Variants in NUDT6 observed in about 807,000 individuals in gnomAD.
NUDT6 encodes the protein nudix hydrolase 6.
A neutral mutation model predicts 36.8 loss-of-function variants in NUDT6; 24 were observed. That is an observed-to-expected ratio of 0.65 (90% confidence interval 0.47 to 0.92). The LOEUF is 0.92. NUDT6 is among the 40% of genes least tolerant of loss of function. The pLI, the probability that NUDT6 is intolerant of heterozygous loss-of-function variation, is 0.00. For synonymous variants in NUDT6, 163 were observed against 157.0 expected (o/e 1.04, Z -0.29); for missense variants, 388 against 392.8 (o/e 0.99, Z 0.10).
Position 122,907,511 on chromosome 4 carries a change from C to T in NUDT6, c.498+5057G>A, listed in dbSNP as rs183410112. Among the ~76,000 whole-genome samples the T allele has an allele frequency of 2.0e-3, 284 of 145,266 alleles. 4 individuals carry two copies. Among genetic ancestry groups the T allele is most frequent in the Admixed American group, 0.016 (229 of 13,930 alleles). On this transcript the variant is annotated intron_variant, in intron 3 of 4. Transcript: ENST00000304430. ...AGTCACCCAGGCTGGAGTGCAGTGG[C>T]GCGATCTTGGCTCACTGCAACCTCC...
intron 3 of NUDT6, 41 bp from the exon 4 acceptor site, chr4:122,897,719 A>T: frequency 2.4e-6 from 3 of 1,234,176 alleles, no homozygotes; most frequent in East Asian, 2.3e-5. Context: ...CATAACTTTC[A>T]CTAACACACA....
intron 3 of NUDT6, among the ~76,000 whole-genome samples, chr4:122,905,608 G>T (rs973071765): frequency 2.0e-5 from 3 of 152,156 alleles, no homozygotes; most frequent in African/African-American, 4.8e-5. Context: ...AATTTTAGGA[G>T]TGCTATGCCC....
intron 3 of NUDT6, among the ~76,000 whole-genome samples, chr4:122,904,736 G>A (rs1727585054): frequency 6.6e-6 from 1 of 152,166 alleles, no homozygotes; most frequent in Admixed American, 6.5e-5. Flanking sequence ...TTACAGGCGT[G>A]AGCCACCGTG....
intron 3 of NUDT6, among the ~76,000 whole-genome samples, chr4:122,912,309 C>T (rs1274414982): frequency 1.3e-5 from 2 of 151,992 alleles, no homozygotes; most frequent in African/African-American, 4.8e-5. Context: ...ACTTGTCTTC[C>T]CAATTAAATA....
At chr4:122,912,677 A>G in intron 2 of NUDT6, 54 bp from the exon 3 acceptor site, 2 of 1,115,578 alleles carry the variant, frequency 1.8e-6, no homozygotes, top group Non-Finnish European at 2.7e-6. Context: ...ATTCACCTTA[A>G]TCTCCTCCCA....
At chr4:122,905,063 T>C (rs1358449391) in intron 3 of NUDT6, among the ~76,000 whole-genome samples, 2 of 152,220 alleles carry the variant, frequency 1.3e-5, no homozygotes, top group African/African-American at 4.8e-5. Context: ...TTGCCACTGC[T>C]GGCTGAAGTG....
chr4:122,918,562 C>T (rs192666112), intron 1 of NUDT6: 7 of 152,250 alleles, frequency 4.6e-5, no homozygotes, highest in Non-Finnish European at 4.4e-5. Flanking sequence ...TTTATAATAA[C>T]GCTATAAAGC....
chr4:122,896,482 A>G lies in NUDT6; in HGVS notation c.553+1142T>C, dbSNP rs900770132. On this transcript the variant is annotated intron_variant, in intron 4 of 4. Coordinates refer to ENST00000304430, the MANE Select transcript of NUDT6 (RefSeq NM_007083.5). ...CAAAACATAAGCTTAATTAGCTCAC[A>G]TGCTCTGCTCTCACGTGGCACCAGT... 2.0e-5 allele frequency: 3 copies of G among 152,202 alleles called. 1 individual carries two copies. The highest frequency in any genetic ancestry group is 4.1e-4 in the South Asian group (2 of 4,826). The allele number at this position is 152,202 out of a possible 1,614,324, so 9.4% of individuals were successfully genotyped here. A position where few individuals can be genotyped will look rare whatever the true frequency, so the allele number is the denominator to read the frequency against.
chr4:122,917,971 C>T (rs1430808940), intron 1 of NUDT6: 6 of 419,644 alleles, frequency 1.4e-5, no homozygotes, highest in Non-Finnish European at 2.6e-5. Flanking sequence ...CAATGCTTGG[C>T]ACGTAACAGA....
Position 122,892,792 on chromosome 4 carries a change from G to A in NUDT6, c.*36C>T, listed in dbSNP as rs200167049. On this transcript the variant is annotated 3_prime_UTR_variant, in exon 5 of 5. Coordinates refer to ENST00000304430, the MANE Select transcript of NUDT6 (RefSeq NM_007083.5). ...ATGTCCACTATTTCTTATGTCATTC[G>A]TTAGTCTACATGTTTCTAAACATAT... 103 of 1,483,610 alleles carry A rather than the reference G, an allele frequency of 6.9e-5. No individual in the cohort carries two copies. In the East Asian group the frequency reaches 1.8e-3, roughly 26 times the overall value. 91.9% of individuals were successfully genotyped at this position (1,483,610 alleles called of 1,614,324 possible).
intron 1 of NUDT6, chr4:122,919,876 G>A (rs1290549554): frequency 6.6e-6 from 1 of 152,122 alleles, no homozygotes; most frequent in Non-Finnish European, 1.5e-5. Flanking sequence ...AATCCTCCAG[G>A]GTAACCCTAC....
At chr4:122,910,476 G>T (rs983429525) in intron 3 of NUDT6, among the ~76,000 whole-genome samples, 8 of 152,080 alleles carry the variant, frequency 5.3e-5, no homozygotes, top group Non-Finnish European at 1.2e-4. Flanking sequence ...TTCTTATTTG[G>T]TAGATTAACC....
rs372728120 is a variant in NUDT6 at position 122,893,150 on chromosome 4, T to G, written c.629A>C (p.Gln210Pro). Residue 210 changes from glutamine (Q) to proline (P), a missense_variant, in exon 5 of 5, where the codon CAA (glutamine) becomes CCA (proline). Gln to Pro is a moderately conservative substitution (Grantham distance 76). Coordinates refer to ENST00000304430, the MANE Select transcript of NUDT6 (RefSeq NM_007083.5). ...SEFRSVLSIR[Q>P]QHTNPGAFGK... ...AAAAGCTCCAGGATTTGTGTGCTGT[T>G]GCCGAATACTCAGGACGGACCTGAA... The G allele has an allele frequency of 3.1e-6, 5 of 1,614,102 alleles. No individual in the cohort carries two copies. In the African/African-American group the frequency reaches 6.7e-5, roughly 22 times the overall value.
chr4:122,895,834 T>C (rs139580294), intron 4 of NUDT6: 2 of 152,374 alleles, frequency 1.3e-5, no homozygotes, highest in African/African-American at 4.8e-5. Flanking sequence ...TATAAATGTT[T>C]AACTGTTTGT....
chr4:122,915,674 C>T lies in NUDT6; in HGVS notation c.442+1827G>A, dbSNP rs560558415. Among the ~76,000 whole-genome samples, 3 of 152,236 alleles carry T rather than the reference C, an allele frequency of 2.0e-5. No homozygotes were observed. In the South Asian group the frequency reaches 6.2e-4, roughly 32 times the overall value. On this transcript the variant is annotated intron_variant, in intron 2 of 4. Coordinates refer to ENST00000304430, the MANE Select transcript of NUDT6 (RefSeq NM_007083.5). ...ATACAATATAGTACTTAGTTATCAACAGGCCCTTCATAGGATACTCTTTTT... is the reference window on the plus strand; with the variant it reads ...ATACAATATAGTACTTAGTTATCAATAGGCCCTTCATAGGATACTCTTTTT...
chr4:122,922,073 G>GCA (rs1728042947), intron 1 of NUDT6: 9 of 388,882 alleles, frequency 2.3e-5, no homozygotes, highest in Non-Finnish European at 4.6e-6. Context: ...TCCGAATGTC[G>GCA]CACAGTAGAA....
chr4:122,908,197 A>C (rs1228871872), intron 3 of NUDT6, among the ~76,000 whole-genome samples: 1 of 152,198 alleles, frequency 6.6e-6, no homozygotes, highest in Non-Finnish European at 1.5e-5. Flanking sequence ...GAGTTTAGTC[A>C]CAACTGACCA....
rs1232794693 is a variant in NUDT6 at position 122,893,143 on chromosome 4, G to A, written c.636C>T (p.His212=). 1.9e-6 allele frequency: 3 copies of A among 1,614,178 alleles called. No homozygotes were observed. The highest frequency in any genetic ancestry group is 1.7e-5 in the Admixed American group (1 of 60,022). The stretch of plus-strand genomic sequence containing the variant: ...ACTTCCCAAAAGCTCCAGGATTTGT[G>A]TGCTGTTGCCGAATACTCAGGACGG... The part of the protein sequence containing the change: ...FRSVLSIRQQ[H]TNPGAFGKSD... The change falls in exon 5 of 5, where the codon CAC becomes CAT. Residue 212 remains histidine (H), a synonymous_variant. Transcript: ENST00000304430.
intron 1 of NUDT6, chr4:122,918,402 C>T (rs981364393): frequency 1.3e-5 from 2 of 152,106 alleles, no homozygotes; most frequent in Non-Finnish European, 2.9e-5. Flanking sequence ...TACTAAGTTC[C>T]AAGCACTTTA....
Sources: allele counts gnomAD v4.1 joint callset (sites outside exome capture counted in the v4.1 genomes callset), GRCh38; gene constraint gnomAD v4.1.1; transcripts MANE v1.5; gene names NCBI Gene and HGNC (gene_info 2026-07-23, HGNC 2026-07-21).